Variants in ANGPT1 observed in about 807,000 individuals in gnomAD.
ANGPT1 encodes the protein angiopoietin-1.
In ANGPT1, 17 loss-of-function variants were observed where a neutral mutation model predicts 62.2. That is an observed-to-expected ratio of 0.27 (90% CI 0.19 to 0.41). The LOEUF (loss-of-function observed/expected upper bound fraction) is 0.41, where lower values mean the gene tolerates loss of function less well. Among genes scored for constraint, ANGPT1 ranks in the 10% least tolerant of loss-of-function variants. ANGPT1 has a pLI of 1.00. For synonymous variants in ANGPT1, 199 were observed against 198.9 expected (o/e 1.00, Z 0.00); for missense variants, 478 against 594.9 (o/e 0.80, Z 2.04).
In ANGPT1 at chr8:107,257,870, G is replaced by GTTTTTT. The variant is rs750634420; in HGVS notation, c.1337-5856_1337-5855insAAAAAA. Among the ~76,000 whole-genome samples, 160 of 45,058 alleles carry GTTTTTT rather than the reference G, an allele frequency of 3.6e-3. 8 individuals carry two copies. Among genetic ancestry groups the GTTTTTT allele is most frequent in the Middle Eastern group, 0.016 (1 of 64 alleles). The allele number at this position is 45,058 out of a possible 152,430, so 29.6% of individuals were successfully genotyped here. A position where few individuals can be genotyped will look rare whatever the true frequency, so the allele number is the denominator to read the frequency against. Reference sequence around the variant, plus strand: ...TATATCCTCTTCAGGCCAAGGACTTGTTTTTGTTTCTTTTTTGTTTGTTTG... The same window carrying GTTTTTT: ...TATATCCTCTTCAGGCCAAGGACTTGTTTTTTTTTTTGTTTCTTTTTTGTTTGTTTG... On this transcript the variant is annotated intron_variant, in intron 8 of 8. Transcript: ENST00000517746.
chr8:107,389,369 G>A (rs1275160883), intron 1 of ANGPT1, among the ~76,000 whole-genome samples: 1 of 152,116 alleles, frequency 6.6e-6, no homozygotes, highest in East Asian at 1.9e-4. Flanking sequence ...ACATGTGGGA[G>A]TGCGGTTATC....
chr8:107,487,766 C>T (rs1264898334), intron 1 of ANGPT1, among the ~76,000 whole-genome samples: 2 of 152,046 alleles, frequency 1.3e-5, no homozygotes, highest in African/African-American at 4.8e-5. Flanking sequence ...CACATGTGTA[C>T]AAGAAAATAG....
chr8:107,308,113 G>A (rs567694830), intron 4 of ANGPT1, among the ~76,000 whole-genome samples: 1 of 152,104 alleles, frequency 6.6e-6, no homozygotes, highest in South Asian at 2.1e-4. Context: ...ATGGACATTT[G>A]CTATTTTTAA....
intron 1 of ANGPT1, among the ~76,000 whole-genome samples, chr8:107,363,452 A>T (rs1389867481): frequency 6.6e-6 from 1 of 152,190 alleles, no homozygotes; most frequent in Non-Finnish European, 1.5e-5. Flanking sequence ...ATTTATATTT[A>T]CGTGAGAAGC....
intron 4 of ANGPT1, among the ~76,000 whole-genome samples, chr8:107,314,539 T>C (rs1814968861): frequency 6.6e-6 from 1 of 152,170 alleles, no homozygotes; most frequent in Non-Finnish European, 1.5e-5. Flanking sequence ...AAAGGAGAAA[T>C]ATACCATTTC....
chr8:107,260,228 C>A (rs926062267), intron 8 of ANGPT1, among the ~76,000 whole-genome samples: 14 of 152,100 alleles, frequency 9.2e-5, no homozygotes, highest in African/African-American at 3.4e-4. Context: ...GTAATGATAC[C>A]AGATTCTCCA....
At chr8:107,301,873 G>A (rs1291128044) in intron 5 of ANGPT1, among the ~76,000 whole-genome samples, 1 of 151,914 alleles carries the variant, frequency 6.6e-6, no homozygotes, top group Non-Finnish European at 1.5e-5. Context: ...TGGTAAAAGG[G>A]AAAATAGAAT....
At chr8:107,412,419 T>C (rs1014242408) in intron 1 of ANGPT1, among the ~76,000 whole-genome samples, 3 of 151,676 alleles carry the variant, frequency 2.0e-5, no homozygotes, top group Non-Finnish European at 4.4e-5. Flanking sequence ...AAAGGGATAA[T>C]GGATTCAGGG....
intron 6 of ANGPT1, among the ~76,000 whole-genome samples, chr8:107,285,680 C>T (rs1814123013): frequency 6.6e-6 from 1 of 151,914 alleles, no homozygotes; most frequent in Admixed American, 6.6e-5. Flanking sequence ...CAAAAGAAAG[C>T]CAGCGCTTAA....
intron 8 of ANGPT1, among the ~76,000 whole-genome samples, chr8:107,257,788 T>C (rs1348043777): frequency 6.6e-6 from 1 of 152,100 alleles, no homozygotes; most frequent in East Asian, 1.9e-4. Flanking sequence ...TGCATGGGTC[T>C]TGCATGCAGG....
intron 5 of ANGPT1, among the ~76,000 whole-genome samples, chr8:107,296,528 G>C (rs1814420951): frequency 6.6e-6 from 1 of 152,086 alleles, no homozygotes; most frequent in Non-Finnish European, 1.5e-5. Flanking sequence ...CTTGGTGAGA[G>C]AGAATGCAGA....
intron 1 of ANGPT1, among the ~76,000 whole-genome samples, chr8:107,416,724 T>C: frequency 6.6e-6 from 1 of 152,040 alleles, no homozygotes; most frequent in East Asian, 1.9e-4. Flanking sequence ...GCAGCATTCC[T>C]TCCTCCAGAG....
At chr8:107,452,056 G>T (rs945552605) in intron 1 of ANGPT1, among the ~76,000 whole-genome samples, 18 of 151,696 alleles carry the variant, frequency 1.2e-4, no homozygotes, top group African/African-American at 4.4e-4. Context: ...GTATGTGTGT[G>T]TCTTAGCCAC....
intron 1 of ANGPT1, among the ~76,000 whole-genome samples, chr8:107,468,192 A>G (rs990362425): frequency 2.0e-5 from 3 of 152,028 alleles, no homozygotes; most frequent in Non-Finnish European, 2.9e-5. Flanking sequence ...TTACGAACAG[A>G]ATCTACAGAA....
intron 8 of ANGPT1, among the ~76,000 whole-genome samples, chr8:107,261,439 C>T (rs1388339911): frequency 1.3e-5 from 2 of 152,144 alleles, no homozygotes; most frequent in African/African-American, 4.8e-5. Context: ...GGCACGGTGG[C>T]TCACACCTGT....
At chr8:107,426,198 C>G (rs531049121) in intron 1 of ANGPT1, among the ~76,000 whole-genome samples, 12 of 152,078 alleles carry the variant, frequency 7.9e-5, no homozygotes, top group Admixed American at 2.0e-4. Context: ...GGGGCCTGTG[C>G]GCGTGAGGGA....
At chr8:107,393,380 T>C (rs983944219) in intron 1 of ANGPT1, among the ~76,000 whole-genome samples, 4 of 152,170 alleles carry the variant, frequency 2.6e-5, no homozygotes, top group African/African-American at 9.7e-5. Context: ...AGTAATTACA[T>C]GACATTACAT....
At chr8:107,432,070 A>C (rs1811201868) in intron 1 of ANGPT1, among the ~76,000 whole-genome samples, 1 of 152,126 alleles carries the variant, frequency 6.6e-6, no homozygotes, top group Non-Finnish European at 1.5e-5. Context: ...CATAAAATTA[A>C]ACTTTTTTAC....
intron 1 of ANGPT1, among the ~76,000 whole-genome samples, chr8:107,431,877 T>TA (rs1811196643): frequency 6.6e-6 from 1 of 152,144 alleles, no homozygotes; most frequent in Non-Finnish European, 1.5e-5. Flanking sequence ...CCTCCAGAAA[T>TA]ACATACAAAT....
Sources: allele counts gnomAD v4.1 joint callset (sites outside exome capture counted in the v4.1 genomes callset), GRCh38; gene constraint gnomAD v4.1.1; transcripts MANE v1.5; gene names NCBI Gene and HGNC (gene_info 2026-07-23, HGNC 2026-07-21).